Variants in MYRIP observed in about 807,000 individuals in gnomAD.
The protein encoded by MYRIP is rab effector MyRIP.
In MYRIP, 49 loss-of-function variants were observed where a neutral mutation model predicts 98.0. The observed-to-expected ratio is 0.50, with a 90% confidence interval of 0.40 to 0.63. The LOEUF is 0.63. Ranked by LOEUF, MYRIP falls within the 30% of genes least tolerant of loss-of-function variation. MYRIP has a pLI of 0.00. For synonymous variants in MYRIP, 404 were observed against 409.5 expected (o/e 0.99, Z 0.16); for missense variants, 1,004 against 1,058.2 (o/e 0.95, Z 0.71).
At chr3:39,851,896 T>C (rs886829557) in intron 1 of MYRIP, among the ~76,000 whole-genome samples, 5 of 152,088 alleles carry the variant, frequency 3.3e-5, no homozygotes, top group African/African-American at 1.2e-4. Flanking sequence ...TCTGCACAGC[T>C]AGACTGGAGC....
chr3:40,036,362 GC>G (rs1479490626), intron 2 of MYRIP, among the ~76,000 whole-genome samples: 1 of 143,078 alleles, frequency 7.0e-6, no homozygotes. Context: ...GAATTCTGCA[GC>G]CTTCTAAACT....
chr3:39,903,810 C>G (rs1161844691), intron 2 of MYRIP, among the ~76,000 whole-genome samples: 1 of 152,178 alleles, frequency 6.6e-6, no homozygotes, highest in Non-Finnish European at 1.5e-5. Context: ...ATTTTGTTTT[C>G]CAGATTCTCT....
At chr3:39,907,601 A>T (rs1360860210) in intron 2 of MYRIP, among the ~76,000 whole-genome samples, 1 of 152,132 alleles carries the variant, frequency 6.6e-6, no homozygotes, top group East Asian at 1.9e-4. Flanking sequence ...GATCAGCAGG[A>T]GACTTTGTGT....
In MYRIP at chr3:40,166,870, C is replaced by A; in HGVS notation, c.575C>A (p.Ala192Asp). 1 of 1,613,522 alleles carries A rather than the reference C, an allele frequency of 6.2e-7. No individual in the cohort carries two copies. The highest frequency in any genetic ancestry group is 8.5e-7 in the Non-Finnish European group (1 of 1,179,472). Residue 192 changes from alanine (A) to aspartate (D), a missense_variant, in exon 6 of 17, where the codon GCT (alanine) becomes GAT (aspartate). By Grantham distance (126) the Ala-to-Asp change is moderately radical. This residue lies in a region of MYRIP where 880 missense variants were observed against 907.7 expected (regional missense o/e 0.97). Transcript: ENST00000302541. ...SEGHSVMDTL[A>D]VALRVAEEAI... ...GGACATAGTGTGATGGACACCTTGG[C>A]TGTGGCCCTACGGGTGGCTGAAGAG... is the stretch of plus-strand genomic sequence containing the variant.
At chr3:40,110,881 GGTGTGTGTGTGTGTGT>G (rs58040369) in intron 3 of MYRIP, among the ~76,000 whole-genome samples, 21,605 of 147,732 alleles carry the variant, frequency 0.15, 1,481 homozygotes, top group East Asian at 0.19. Context: ...TTCATGAAGG[GGTGTGTGTGTGTGTGT>G]GTGTGTGTGT....
chr3:39,864,822 C>T (rs969879305), intron 1 of MYRIP, among the ~76,000 whole-genome samples: 3 of 151,740 alleles, frequency 2.0e-5, no homozygotes, highest in Non-Finnish European at 2.9e-5. Context: ...ATGGAACAAA[C>T]GAAAAAAAGC....
intron 2 of MYRIP, among the ~76,000 whole-genome samples, chr3:39,926,377 G>C (rs1177340955): frequency 6.6e-6 from 1 of 151,988 alleles, no homozygotes; most frequent in African/African-American, 2.4e-5. Flanking sequence ...TGTTACAATT[G>C]CTTTTGAGGA....
chr3:40,178,923 C>T (rs1163658223), intron 8 of MYRIP, among the ~76,000 whole-genome samples: 2 of 152,130 alleles, frequency 1.3e-5, no homozygotes, highest in East Asian at 1.9e-4. Context: ...CCCCTGCAGC[C>T]CCCTTGCATA....
At chr3:40,051,111 G>A (rs1266224137) in intron 3 of MYRIP, among the ~76,000 whole-genome samples, 2 of 152,298 alleles carry the variant, frequency 1.3e-5, no homozygotes, top group Middle Eastern at 3.4e-3. Flanking sequence ...CAGGGTTTGA[G>A]AGGATTGACT....
chr3:40,062,366 T>C (rs755907122), intron 3 of MYRIP, among the ~76,000 whole-genome samples: 53 of 152,224 alleles, frequency 3.5e-4, no homozygotes, highest in Non-Finnish European at 6.8e-4. Flanking sequence ...CTTTCCCCGT[T>C]GCTTGTTTTT....
intron 2 of MYRIP, among the ~76,000 whole-genome samples, chr3:39,925,734 A>G (rs778966854): frequency 2.0e-5 from 3 of 152,110 alleles, no homozygotes; most frequent in Non-Finnish European, 2.9e-5. Context: ...TCCACCATTG[A>G]TGGGTGCCTA....
At chr3:40,151,530 A>G (rs555729529) in intron 4 of MYRIP, among the ~76,000 whole-genome samples, 2 of 152,316 alleles carry the variant, frequency 1.3e-5, no homozygotes, top group Admixed American at 6.5e-5. Flanking sequence ...GCCCTTGGCT[A>G]CAGAGAGAGT....
At chr3:39,959,567 A>C (rs1026570983) in intron 2 of MYRIP, among the ~76,000 whole-genome samples, 2 of 152,046 alleles carry the variant, frequency 1.3e-5, no homozygotes, top group African/African-American at 4.8e-5. Flanking sequence ...AGATATACCT[A>C]ATGTAAATGA....
At chr3:39,921,303 G>T (rs1206416983) in intron 2 of MYRIP, among the ~76,000 whole-genome samples, 1 of 152,148 alleles carries the variant, frequency 6.6e-6, no homozygotes, top group Admixed American at 6.5e-5. Flanking sequence ...AACTCTTCCT[G>T]TTTCCACAAT....
Position 40,044,200 on chromosome 3 carries a change from T to C in MYRIP, c.261T>C (p.Asn87=), listed in dbSNP as rs1947618014. ...GCCAGTGTGGAGATTGCAAATTCAA[T>C]GTCTGCAAGAGCTGCTGCTCCTACC... The part of the protein sequence containing the change: ...TKRQCGDCKF[N]VCKSCCSYQK... Residue 87 remains asparagine (N), a synonymous_variant, in exon 3 of 17, where the codon AAT becomes AAC. Coordinates refer to ENST00000302541, the MANE Select transcript of MYRIP (RefSeq NM_015460.4). 12 of 1,614,180 alleles carry C rather than the reference T, an allele frequency of 7.4e-6. No homozygotes were observed. The highest frequency in any genetic ancestry group is 9.3e-6 in the Non-Finnish European group (11 of 1,180,018).
chr3:39,933,787 T>C (rs1034482604), intron 2 of MYRIP, among the ~76,000 whole-genome samples: 2 of 152,230 alleles, frequency 1.3e-5, no homozygotes, highest in East Asian at 3.8e-4. Flanking sequence ...TGCTAGAGAC[T>C]ACATTCATTT....
rs1423829359 is a variant in MYRIP at position 39,863,867 on chromosome 3, C to T, written c.-30-36920C>T. ...ACAACAACAACAAACTGTAGGCCAA[C>T]GTTCTTGATGATCATAGATGCAAAA... On this transcript the variant is annotated intron_variant, in intron 1 of 16. Transcript: ENST00000302541. Among the ~76,000 whole-genome samples, 4 of 152,100 alleles carry T rather than the reference C, an allele frequency of 2.6e-5. No individual in the cohort carries two copies. In the East Asian group the frequency reaches 7.7e-4, roughly 29 times the overall value.
intron 2 of MYRIP, among the ~76,000 whole-genome samples, chr3:40,018,168 C>A (rs755930691): frequency 6.7e-6 from 1 of 149,772 alleles, no homozygotes; most frequent in African/African-American, 2.6e-5. Context: ...TGTCTCAACA[C>A]TCTGACAGAT....
intron 3 of MYRIP, among the ~76,000 whole-genome samples, chr3:40,131,664 A>G (rs1005877607): frequency 2.0e-5 from 3 of 152,234 alleles, no homozygotes; most frequent in African/African-American, 7.2e-5. Flanking sequence ...TTGAAAAAAT[A>G]AAGTTACCCA....
Sources: gnomAD v4.1 joint callset for allele counts (sites outside exome capture counted in the v4.1 genomes callset) on GRCh38, gnomAD v4.1.1 for gene constraint, gnomAD v4.1.1 regional missense constraint, MANE v1.5 for transcripts, NCBI Gene and HGNC (gene_info 2026-07-23, HGNC 2026-07-21) for gene names.